The following DSCAM variants were observed in gnomAD, a reference collection of about 807,000 sequenced individuals.
DSCAM encodes DS cell adhesion molecule.
DSCAM carries 47 observed loss-of-function variants against 217.7 expected under a neutral mutation model. That is an observed-to-expected ratio of 0.22 (90% CI 0.17 to 0.28). The LOEUF (loss-of-function observed/expected upper bound fraction) is 0.28, where lower values mean the gene tolerates loss of function less well. Ranked by LOEUF, DSCAM falls within the 10% of genes least tolerant of loss-of-function variation. The pLI is 1.00. For missense variants in DSCAM, 2,080 were observed against 2,618.3 expected, an observed-to-expected ratio of 0.79 and a Z score of 4.49; for synonymous variants, 1,056 against 1,015.3, an observed-to-expected ratio of 1.04 and a Z score of -0.76.
At chr21:40,255,735 TGTAA>T (rs2073361426) in intron 11 of DSCAM, among the ~76,000 whole-genome samples, 2 of 152,168 alleles carry the variant, frequency 1.3e-5, no homozygotes, top group Admixed American at 1.3e-4. Flanking sequence ...AATTCTGAGA[TGTAA>T]GTGATTATAT....
chr21:40,612,436 C>T (rs1353197134), intron 3 of DSCAM, among the ~76,000 whole-genome samples: 1 of 152,120 alleles, frequency 6.6e-6, no homozygotes, highest in Non-Finnish European at 1.5e-5. Flanking sequence ...GGACACTTGG[C>T]AATGAGCTGA....
intron 3 of DSCAM, among the ~76,000 whole-genome samples, chr21:40,475,026 G>A (rs1385682207): frequency 6.6e-6 from 1 of 152,106 alleles, no homozygotes; most frequent in Non-Finnish European, 1.5e-5. Flanking sequence ...CAGTCAGTAG[G>A]CTTGCTGTTG....
chr21:40,069,645 C>CA (rs1301040692), intron 27 of DSCAM, among the ~76,000 whole-genome samples: 3 of 152,112 alleles, frequency 2.0e-5, no homozygotes, highest in South Asian at 4.1e-4. Flanking sequence ...CAGATATCCA[C>CA]AAAAAAACTT....
chr21:40,425,994 T>G (rs560194195), intron 3 of DSCAM, among the ~76,000 whole-genome samples: 20 of 152,358 alleles, frequency 1.3e-4, no homozygotes, highest in African/African-American at 4.8e-4. Context: ...AATTTCACTT[T>G]GCTTGCTGGT....
intron 3 of DSCAM, among the ~76,000 whole-genome samples, chr21:40,545,030 G>A (rs1237940042): frequency 6.6e-6 from 1 of 152,126 alleles, no homozygotes; most frequent in Non-Finnish European, 1.5e-5. Context: ...GAGGGTATTA[G>A]GAGGTAGGAC....
At chr21:40,171,024 TATC>T (rs1220940577) in intron 15 of DSCAM, among the ~76,000 whole-genome samples, 3 of 152,218 alleles carry the variant, frequency 2.0e-5, no homozygotes, top group African/African-American at 7.2e-5. Context: ...ATAGCATACA[TATC>T]ATAATGTAAT....
intron 2 of DSCAM, among the ~76,000 whole-genome samples, chr21:40,699,293 C>T (rs916635645): frequency 4.6e-5 from 7 of 152,196 alleles, no homozygotes; most frequent in Non-Finnish European, 1.0e-4. Flanking sequence ...ATGCCATTTT[C>T]CGTCTTTCTC....
chr21:40,016,076 A>C lies in DSCAM; in HGVS notation c.5687-2690T>G, dbSNP rs1459645823. ...TGTAACTCGTGACATACCAGGTGCA[A>C]AACTCTGTCTAGAGAATGGGCTGGT... is the stretch of plus-strand genomic sequence containing the variant. On this transcript the variant is annotated intron_variant, in intron 32 of 32. Coordinates refer to ENST00000400454, the MANE Select transcript of DSCAM (RefSeq NM_001389.5). The surrounding 1 kb of genome is among the most constrained non-coding windows in gnomAD (Gnocchi z 4.3). 1.3e-5 allele frequency among the ~76,000 whole-genome samples: 2 copies of C among 152,164 alleles called. No homozygotes were observed. The highest frequency in any genetic ancestry group is 2.9e-5 in the Non-Finnish European group (2 of 68,030).
intron 1 of DSCAM, among the ~76,000 whole-genome samples, chr21:40,718,820 T>C (rs1189602626): frequency 1.3e-5 from 2 of 152,152 alleles, no homozygotes; most frequent in Non-Finnish European, 2.9e-5. Context: ...TATAAAAAGA[T>C]AGTCCAACAA....
intron 3 of DSCAM, among the ~76,000 whole-genome samples, chr21:40,455,157 CAATGT>C: frequency 6.6e-6 from 1 of 152,048 alleles, no homozygotes; most frequent in African/African-American, 2.4e-5. Context: ...GGATTGATAT[CAATGT>C]AATGTAAGAC....
At chr21:40,629,687 T>C (rs979621517) in intron 3 of DSCAM, 1 of 152,214 alleles carries the variant, frequency 6.6e-6, no homozygotes, top group Non-Finnish European at 1.5e-5. Flanking sequence ...TAATCAGCCT[T>C]TGTTGTTCGA....
chr21:40,531,273 C>T (rs958439844), intron 3 of DSCAM, among the ~76,000 whole-genome samples: 11 of 152,210 alleles, frequency 7.2e-5, no homozygotes, highest in African/African-American at 2.7e-4. Context: ...GTCTCAGGCG[C>T]ATTATGCACC....
intron 3 of DSCAM, among the ~76,000 whole-genome samples, chr21:40,438,944 A>T (rs2075607616): frequency 6.6e-6 from 1 of 152,118 alleles, no homozygotes; most frequent in South Asian, 2.1e-4. Flanking sequence ...ATAGAGTGGC[A>T]TGTTCTTAAA....
chr21:40,806,099 G>A (rs1003761020), intron 1 of DSCAM, among the ~76,000 whole-genome samples: 1 of 152,034 alleles, frequency 6.6e-6, no homozygotes, highest in Admixed American at 6.5e-5. Flanking sequence ...AGCCCTGCTG[G>A]GCTCTTCTCA....
chr21:40,504,624 C>T (rs538123613), intron 3 of DSCAM, among the ~76,000 whole-genome samples: 1 of 152,128 alleles, frequency 6.6e-6, no homozygotes, highest in Non-Finnish European at 1.5e-5. Context: ...TCAAATAATG[C>T]GTGACACAAG....
At position 40,107,370 on chromosome 21, in the gene DSCAM, A is replaced by T. The variant is rs531869440; in HGVS notation, c.3697-13496T>A. 1.1e-3 allele frequency among the ~76,000 whole-genome samples: 162 copies of T among 152,248 alleles called. 2 individuals are homozygous for T. In the South Asian group the frequency reaches 0.033, roughly 31 times the overall value. On this transcript the variant is annotated intron_variant, in intron 20 of 32. Coordinates refer to ENST00000400454, the MANE Select transcript of DSCAM (RefSeq NM_001389.5). ...GACTTCAGTTCTTTTGCATTTGCTG[A>T]GGAGTGTTTTACTTCTGATTAATAT...
intron 20 of DSCAM, among the ~76,000 whole-genome samples, chr21:40,121,812 C>A (rs1270305254): frequency 6.6e-6 from 1 of 151,142 alleles, no homozygotes; most frequent in Non-Finnish European, 1.5e-5. Flanking sequence ...GCCTCAGCTC[C>A]TCCCAAGTAC....
chr21:40,164,176 G>C (rs2090569458), intron 16 of DSCAM, among the ~76,000 whole-genome samples: 2 of 152,176 alleles, frequency 1.3e-5, no homozygotes, highest in African/African-American at 2.4e-5. Flanking sequence ...CAAGAGCAAT[G>C]GGTAACATAG....
At chr21:40,275,042 G>A (rs1263579407) in intron 11 of DSCAM, among the ~76,000 whole-genome samples, 1 of 152,050 alleles carries the variant, frequency 6.6e-6, no homozygotes, top group East Asian at 1.9e-4. Flanking sequence ...GGAAATCCAA[G>A]GGCCAGGCAT....
Sources: gnomAD v4.1 joint callset for allele counts (sites outside exome capture counted in the v4.1 genomes callset) on GRCh38, gnomAD v4.1.1 for gene constraint, Gnocchi (gnomAD v3.1) non-coding constraint, MANE v1.5 for transcripts, NCBI Gene and HGNC (gene_info 2026-07-23, HGNC 2026-07-21) for gene names.